Variants in AGBL4 observed in about 807,000 individuals in gnomAD.
AGBL4 encodes AGBL carboxypeptidase 4.
A neutral mutation model predicts 66.4 loss-of-function variants in AGBL4; 58 were observed. The observed-to-expected ratio is 0.87, with a 90% CI of 0.71 to 1.09. The LOEUF (loss-of-function observed/expected upper bound fraction) is 1.09, where lower values mean the gene tolerates loss of function less well. Among genes scored for constraint, AGBL4 ranks in the 50% least tolerant of loss-of-function variants. AGBL4 has a pLI of 0.00. For missense variants in AGBL4, 579 were observed against 631.0 expected, an observed-to-expected ratio of 0.92 and a Z score of 0.88; for synonymous variants, 234 against 222.9, an observed-to-expected ratio of 1.05 and a Z score of -0.44.
intron 3 of AGBL4, among the ~76,000 whole-genome samples, chr1:49,442,332 G>C (rs987842136): frequency 1.3e-5 from 2 of 152,138 alleles, no homozygotes; most frequent in African/African-American, 2.4e-5. Context: ...TTGAAAGTGG[G>C]AAGACTATTC....
At chr1:48,742,648 TC>T in intron 6 of AGBL4, 1 of 1,604,562 alleles carries the variant, frequency 6.2e-7, no homozygotes, top group Non-Finnish European at 8.5e-7. Flanking sequence ...GATATACTTG[TC>T]CATGACAGGC....
intron 5 of AGBL4, among the ~76,000 whole-genome samples, chr1:48,945,250 G>A (rs1207024703): frequency 6.6e-6 from 1 of 152,114 alleles, no homozygotes; most frequent in East Asian, 1.9e-4. Context: ...TCCTTGCAAT[G>A]TCCTTGGAAC....
At chr1:49,657,436 G>A (rs1177984903) in intron 3 of AGBL4, among the ~76,000 whole-genome samples, 1 of 152,072 alleles carries the variant, frequency 6.6e-6, no homozygotes, top group African/African-American at 2.4e-5. Flanking sequence ...TACTGCCCAA[G>A]GTAATTTATA....
chr1:48,591,799 C>G (rs2627755), intron 9 of AGBL4, among the ~76,000 whole-genome samples: 21,963 of 152,126 alleles, frequency 0.14, 1,669 homozygotes, highest in Admixed American at 0.18. Flanking sequence ...ACCAGTCTAC[C>G]TCTGCTCTTT....
intron 2 of AGBL4, among the ~76,000 whole-genome samples, chr1:49,758,751 T>C (rs1652087192): frequency 1.3e-5 from 2 of 152,000 alleles, no homozygotes; most frequent in South Asian, 4.2e-4. Context: ...GGAAGGGGCT[T>C]CTCTCAGATA....
At chr1:48,654,569 T>A (rs1645988479) in intron 7 of AGBL4, among the ~76,000 whole-genome samples, 1 of 152,206 alleles carries the variant, frequency 6.6e-6, no homozygotes, top group Non-Finnish European at 1.5e-5. Context: ...GCCCCGTTCC[T>A]GCTGGAGAGA....
chr1:49,008,393 T>G (rs1662046842), intron 5 of AGBL4, among the ~76,000 whole-genome samples: 1 of 151,778 alleles, frequency 6.6e-6, no homozygotes, highest in African/African-American at 2.4e-5. Flanking sequence ...CTGAGTGACT[T>G]GCAAAGAGAC....
intron 6 of AGBL4, among the ~76,000 whole-genome samples, chr1:48,861,421 A>G (rs1647460262): frequency 6.6e-6 from 1 of 152,208 alleles, no homozygotes; most frequent in Non-Finnish European, 1.5e-5. Context: ...CAGAGTATCA[A>G]GCAGGATAAA....
chr1:48,823,302 G>A (rs981695666), intron 6 of AGBL4, among the ~76,000 whole-genome samples: 3 of 152,144 alleles, frequency 2.0e-5, no homozygotes, highest in Non-Finnish European at 4.4e-5. Flanking sequence ...CAGTAGGCTG[G>A]AACACAGTGC....
chr1:49,392,506 A>G (rs1180769951), intron 3 of AGBL4, among the ~76,000 whole-genome samples: 1 of 152,220 alleles, frequency 6.6e-6, no homozygotes. Context: ...GTGAACCACT[A>G]ATGTACTTGA....
chr1:49,479,264 A>C (rs1262788065), intron 3 of AGBL4, among the ~76,000 whole-genome samples: 1 of 152,044 alleles, frequency 6.6e-6, no homozygotes, highest in Non-Finnish European at 1.5e-5. Context: ...ATTTACAATA[A>C]CTACAAATAC....
At chr1:48,855,876 T>C (rs1179855419) in intron 6 of AGBL4, among the ~76,000 whole-genome samples, 1 of 152,042 alleles carries the variant, frequency 6.6e-6, no homozygotes, top group East Asian at 1.9e-4. Flanking sequence ...TTTAGGATAA[T>C]AAACCAAAAT....
chr1:48,592,448 G>A (rs935570788), intron 9 of AGBL4, among the ~76,000 whole-genome samples: 2 of 152,204 alleles, frequency 1.3e-5, no homozygotes, highest in Non-Finnish European at 2.9e-5. Context: ...GTCTTGCCAA[G>A]CTCCCAGTTC....
At chr1:48,717,152 C>T (rs571312304) in intron 6 of AGBL4, among the ~76,000 whole-genome samples, 2 of 152,286 alleles carry the variant, frequency 1.3e-5, no homozygotes, top group Non-Finnish European at 2.9e-5. Flanking sequence ...AACCTTTTTG[C>T]TTTTTGCCTT....
intron 2 of AGBL4, among the ~76,000 whole-genome samples, chr1:49,733,973 T>G (rs559873786): frequency 6.6e-6 from 1 of 152,164 alleles, no homozygotes; most frequent in African/African-American, 2.4e-5. Flanking sequence ...GCAACATTGG[T>G]TTCATATCCA....
At chr1:48,550,161 G>A (rs1001450723) in intron 11 of AGBL4, among the ~76,000 whole-genome samples, 1 of 152,068 alleles carries the variant, frequency 6.6e-6, no homozygotes, top group Middle Eastern at 3.4e-3. Context: ...TAACTATAAG[G>A]CTCGAAATTA....
At chr1:49,323,448 A>ATTTTTTTTTTTTTTT (rs11295329) in intron 3 of AGBL4, among the ~76,000 whole-genome samples, 1 of 114,888 alleles carries the variant, frequency 8.7e-6, no homozygotes, top group Non-Finnish European at 1.8e-5. Flanking sequence ...TGCCTGGCTA[A>ATTTTTTTTTTTTTTT]TTTTTTTTTT....
At chr1:49,845,953 C>T (rs542638805) in intron 2 of AGBL4, 1 of 1,535,368 alleles carries the variant, frequency 6.5e-7, no homozygotes, top group East Asian at 2.3e-5. Context: ...TCAGCCACAG[C>T]TTGTCCCTCA....
rs548590680 is a variant in AGBL4 at position 49,566,738 on chromosome 1, G to A, written c.282+130575C>T. ...GAGGTGCCTCCCAGTTAGGCTACTC[G>A]GGGGTTAGGGACCCCTTGAGGAGGC... On this transcript the variant is annotated intron_variant, in intron 3 of 13. Transcript: ENST00000371839. Among the ~76,000 whole-genome samples the A allele has an allele frequency of 9.9e-5, 15 of 152,208 alleles. No homozygotes were observed. The South Asian group carries it at 2.7e-3, about 27-fold the overall frequency.
Sources: allele counts gnomAD v4.1 joint callset (sites outside exome capture counted in the v4.1 genomes callset), GRCh38; gene constraint gnomAD v4.1.1; transcripts MANE v1.5; gene names NCBI Gene and HGNC (gene_info 2026-07-23, HGNC 2026-07-21).